Variants in FOXP2 observed in about 807,000 individuals in gnomAD.
The protein encoded by FOXP2 is forkhead box P2.
In FOXP2, 12 loss-of-function variants were observed where a neutral mutation model predicts 115.8. The observed-to-expected ratio is 0.10, with a 90% CI of 0.07 to 0.17. The LOEUF (loss-of-function observed/expected upper bound fraction) is 0.17, where lower values mean the gene tolerates loss of function less well. Among genes scored for constraint, FOXP2 ranks in the 10% least tolerant of loss-of-function variants. The pLI is 1.00. For missense variants in FOXP2, 629 were observed against 843.5 expected, an observed-to-expected ratio of 0.75 and a Z score of 3.15; for synonymous variants, 328 against 297.7, an observed-to-expected ratio of 1.10 and a Z score of -1.05.
chr7:114,353,997 G>T (rs1791557005), intron 2 of FOXP2, among the ~76,000 whole-genome samples: 1 of 152,128 alleles, frequency 6.6e-6, no homozygotes, highest in Non-Finnish European at 1.5e-5. Flanking sequence ...AGGTGTGTCT[G>T]CAAGGGTGTT....
chr7:114,353,647 CAT>C (rs1226472803), intron 2 of FOXP2, among the ~76,000 whole-genome samples: 11 of 152,092 alleles, frequency 7.2e-5, no homozygotes, highest in Admixed American at 5.2e-4. Flanking sequence ...TCATAAGTAT[CAT>C]AATACTTCTG....
intron 1 of FOXP2, among the ~76,000 whole-genome samples, chr7:114,167,236 G>T (rs538001415): frequency 1.3e-5 from 2 of 152,166 alleles, no homozygotes; most frequent in African/African-American, 4.8e-5. Context: ...CCAGACAAGG[G>T]AATATTATTC....
At chr7:114,491,605 G>T (rs1797057986) in intron 2 of FOXP2, among the ~76,000 whole-genome samples, 1 of 152,068 alleles carries the variant, frequency 6.6e-6, no homozygotes, top group Admixed American at 6.6e-5. Flanking sequence ...GAATGGTATT[G>T]CCTAGGTTTT....
At chr7:114,303,792 G>A (rs1251811033) in intron 2 of FOXP2, among the ~76,000 whole-genome samples, 1 of 152,096 alleles carries the variant, frequency 6.6e-6, no homozygotes, top group Admixed American at 6.6e-5. Flanking sequence ...TCATTGTGAT[G>A]AATAATTTGT....
intron 1 of FOXP2, among the ~76,000 whole-genome samples, chr7:114,265,242 T>C (rs1262470959): frequency 6.6e-6 from 1 of 151,958 alleles, no homozygotes; most frequent in African/African-American, 2.4e-5. Context: ...CAAGATACAA[T>C]GGGGGTATAG....
intron 1 of FOXP2, among the ~76,000 whole-genome samples, chr7:114,111,798 G>A (rs558464095): frequency 3.3e-5 from 5 of 152,120 alleles, no homozygotes; most frequent in African/African-American, 9.6e-5. Flanking sequence ...ACATGTTCTG[G>A]TGAGCTGCTT....
intron 7 of FOXP2, among the ~76,000 whole-genome samples, 191 bp downstream of exon 7, chr7:114,642,814 T>TATA (rs1563054674): frequency 2.8e-5 from 3 of 107,130 alleles, no homozygotes; most frequent in East Asian, 3.5e-4. Context: ...ATATATATAT[T>TATA]TTTTTTTTTT....
intron 2 of FOXP2, among the ~76,000 whole-genome samples, chr7:114,494,111 G>A (rs1797198771): frequency 6.6e-6 from 1 of 152,030 alleles, no homozygotes; most frequent in African/African-American, 2.4e-5. Flanking sequence ...AATGTCAAGA[G>A]ATATACATAT....
At chr7:114,343,846 C>T (rs562932766) in intron 2 of FOXP2, among the ~76,000 whole-genome samples, 2 of 151,734 alleles carry the variant, frequency 1.3e-5, no homozygotes, top group Non-Finnish European at 1.5e-5. Context: ...CCCAGTTCAA[C>T]TTGCTATTTT....
At chr7:114,593,348 A>C (rs1802534510) in intron 3 of FOXP2, among the ~76,000 whole-genome samples, 1 of 152,000 alleles carries the variant, frequency 6.6e-6, no homozygotes, top group African/African-American at 2.4e-5. Flanking sequence ...TTGCTGGTTC[A>C]AATGTGAACA....
chr7:114,689,829 A>T lies in FOXP2; in HGVS notation c.2051A>T (p.Asp684Val), dbSNP rs773947565. The change falls in exon 17 of 17, where the codon GAC (aspartate) becomes GTC (valine). Residue 684 changes from aspartate to valine, a missense_variant. By Grantham distance (152) the Asp-to-Val change is radical. This residue lies in a region of FOXP2 where 117 missense variants were observed against 112.3 expected (regional missense o/e 1.04). Transcript: ENST00000350908. ...GAGCCAGTGATTGCAGAGGATGAAGACTGCCCAATGTCCTTAGTGACAACA... is the reference window on the plus strand; with the variant it reads ...GAGCCAGTGATTGCAGAGGATGAAGTCTGCCCAATGTCCTTAGTGACAACA... ...KEEPVIAEDEDCPMSLVTTAN... is the reference protein window; with the variant it reads ...KEEPVIAEDEVCPMSLVTTAN... 3.1e-6 allele frequency: 5 copies of T among 1,613,552 alleles called. No homozygotes were observed. In the South Asian group the frequency reaches 5.5e-5, roughly 18 times the overall value.
chr7:114,177,208 G>A (rs992467389), intron 1 of FOXP2, among the ~76,000 whole-genome samples: 4 of 152,130 alleles, frequency 2.6e-5, no homozygotes, highest in African/African-American at 9.7e-5. Flanking sequence ...CCTAGGAGTA[G>A]AATTTTTGTA....
At chr7:114,341,749 G>A (rs1186390617) in intron 2 of FOXP2, among the ~76,000 whole-genome samples, 3 of 150,824 alleles carry the variant, frequency 2.0e-5, no homozygotes, top group African/African-American at 7.3e-5. Flanking sequence ...TCCCTCATTA[G>A]CTAACTACAC....
At chr7:114,488,702 G>T (rs1796904021) in intron 2 of FOXP2, among the ~76,000 whole-genome samples, 1 of 152,118 alleles carries the variant, frequency 6.6e-6, no homozygotes, top group African/African-American at 2.4e-5. Flanking sequence ...TGGAGTTCAA[G>T]GTTTAAGCTC....
At chr7:114,240,282 A>G (rs1179870063) in intron 1 of FOXP2, among the ~76,000 whole-genome samples, 1 of 152,110 alleles carries the variant, frequency 6.6e-6, no homozygotes, top group African/African-American at 2.4e-5. Flanking sequence ...GTTAAAAATA[A>G]CTTTCTCTCC....
chr7:114,660,570 A>C (rs917852508), intron 13 of FOXP2, among the ~76,000 whole-genome samples: 1 of 152,184 alleles, frequency 6.6e-6, no homozygotes. Context: ...TGTGAGACTC[A>C]GAATGCTTTT....
At chr7:114,450,706 T>C (rs911678724) in intron 2 of FOXP2, among the ~76,000 whole-genome samples, 2 of 152,020 alleles carry the variant, frequency 1.3e-5, no homozygotes, top group Non-Finnish European at 2.9e-5. Flanking sequence ...ATCAGTTAAA[T>C]AATGTGTTTG....
upstream of FOXP2, among the ~76,000 whole-genome samples, chr7:114,413,915 T>C (rs1441889379): frequency 6.6e-6 from 1 of 152,084 alleles, no homozygotes; most frequent in Non-Finnish European, 1.5e-5. Context: ...TGGGGTGCTG[T>C]TAAAGCTTGT....
chr7:114,457,986 T>C lies in FOXP2; in HGVS notation c.168+31307T>C, dbSNP rs375652357. Among the ~76,000 whole-genome samples, 23 of 152,234 alleles carry C rather than the reference T, an allele frequency of 1.5e-4. 1 individual carries two copies. The East Asian group carries it at 3.9e-3, about 26-fold the overall frequency. ...TTCTGTTCTTCACTTCCAAATATAT[T>C]GAGGAACAGAAATTAAGATTTTAAA... is the stretch of plus-strand genomic sequence containing the variant. On this transcript the variant is annotated intron_variant, in intron 2 of 16. Transcript: ENST00000350908.
Sources: gnomAD v4.1 joint callset for allele counts (sites outside exome capture counted in the v4.1 genomes callset) on GRCh38, gnomAD v4.1.1 for gene constraint, gnomAD v4.1.1 regional missense constraint, MANE v1.5 for transcripts, NCBI Gene and HGNC (gene_info 2026-07-23, HGNC 2026-07-21) for gene names.